FAT1: variants seen among roughly 807,000 people sequenced by gnomAD.
The protein encoded by FAT1 is FAT atypical cadherin 1.
A neutral mutation model predicts 329.8 loss-of-function variants in FAT1; 171 were observed. That is an observed-to-expected ratio of 0.52 (90% confidence interval 0.46 to 0.59). The LOEUF is 0.59. Among genes scored for constraint, FAT1 ranks in the 20% least tolerant of loss-of-function variants. The pLI is 0.00. For synonymous variants in FAT1, 2,233 were observed against 2,228.6 expected (o/e 1.00, Z -0.06); for missense variants, 5,672 against 5,774.4 (o/e 0.98, Z 0.57).
intron 2 of FAT1, among the ~76,000 whole-genome samples, chr4:186,697,360 C>T (rs1381341035): frequency 1.3e-5 from 2 of 152,194 alleles, no homozygotes; most frequent in African/African-American, 2.4e-5. Context: ...GGGCCGGCTG[C>T]GGGACCTCAG....
intron 14 of FAT1, among the ~76,000 whole-genome samples, chr4:186,610,261 C>T (rs576319870): frequency 2.4e-4 from 36 of 152,248 alleles, no homozygotes; most frequent in African/African-American, 7.7e-4. Flanking sequence ...TTCCAGTCAA[C>T]ACCACCTACA....
In FAT1 at chr4:186,709,613, T is replaced by C. The variant is rs1382265220; in HGVS notation, c.215A>G (p.Tyr72Cys). Residue 72 changes from tyrosine to cysteine, a missense_variant, in exon 2 of 27, where the codon TAC becomes TGC. By Grantham distance (194) the Tyr-to-Cys change is radical. This residue lies in a region of FAT1 where 3,966 missense variants were observed against 3,915.2 expected (regional missense o/e 1.01). Transcript: ENST00000441802. ...YITHPAWEVR[Y>C]KIVSGDSENL... Reference sequence around the variant, plus strand: ...TTCACTGTCTCCGGAAACAATTTTGTACCTTACTTCCCACGCTGGATGTGT... The same window carrying C: ...TTCACTGTCTCCGGAAACAATTTTGCACCTTACTTCCCACGCTGGATGTGT... 6.2e-7 allele frequency: 1 copy of C among 1,614,028 alleles called. No homozygotes were observed. The highest frequency in any genetic ancestry group is 2.2e-5 in the East Asian group (1 of 44,884).
intron 6 of FAT1, among the ~76,000 whole-genome samples, chr4:186,634,898 G>A (rs1444435880): frequency 6.6e-6 from 1 of 152,260 alleles, no homozygotes; most frequent in Non-Finnish European, 1.5e-5. Context: ...AGGTTACACA[G>A]CGAGGTCAGG....
At chr4:186,710,089 T>C (rs921921845) in intron 1 of FAT1, among the ~76,000 whole-genome samples, 4 of 152,218 alleles carry the variant, frequency 2.6e-5, no homozygotes, top group Non-Finnish European at 5.9e-5. Context: ...CTCTCTTTCA[T>C]ATTTAAACGA....
chr4:186,629,246 G>T (rs762701103), intron 7 of FAT1, among the ~76,000 whole-genome samples: 8 of 151,982 alleles, frequency 5.3e-5, no homozygotes, highest in Non-Finnish European at 1.0e-4. Context: ...CTGATCATAG[G>T]TTTTTTTAAT....
chr4:186,705,197 G>A (rs1744518604), intron 2 of FAT1, among the ~76,000 whole-genome samples: 1 of 149,640 alleles, frequency 6.7e-6, no homozygotes, highest in Non-Finnish European at 1.5e-5. Flanking sequence ...TCCCACCTGC[G>A]CCTCCCAAAG....
At chr4:186,704,671 G>T (rs1302175965) in intron 2 of FAT1, among the ~76,000 whole-genome samples, 4 of 152,000 alleles carry the variant, frequency 2.6e-5, no homozygotes, top group Non-Finnish European at 5.9e-5. Flanking sequence ...TTAAATTTGG[G>T]GTATTTTTCT....
intron 26 of FAT1, among the ~76,000 whole-genome samples, chr4:186,593,320 G>A (rs141341618): frequency 5.3e-4 from 81 of 152,324 alleles, no homozygotes; most frequent in Admixed American, 1.8e-3. Flanking sequence ...GACTCTGTCC[G>A]TCTGTTTCCT....
In FAT1 at chr4:186,614,399, C is replaced by A. The variant is rs1367381952; in HGVS notation, c.9076-55G>T. ...TAAAAGCATTAACAGGCAGCACAAA[C>A]ATCAAGGGAATAATGGAAAAGAAAT... On this transcript the variant is annotated intron_variant, in intron 11 of 26. Coordinates refer to ENST00000441802, the MANE Select transcript of FAT1 (RefSeq NM_005245.4). 6 of 1,160,596 alleles carry A rather than the reference C, an allele frequency of 5.2e-6. No individual in the cohort carries two copies. The East Asian group carries it at 1.7e-4, about 32-fold the overall frequency. The allele number at this position is 1,160,596 out of a possible 1,614,324, so 71.9% of individuals were successfully genotyped here.
Position 186,699,049 on chromosome 4 carries a change from G to A in FAT1, c.3265+7514C>T, listed in dbSNP as rs1180759425. Among the ~76,000 whole-genome samples the A allele has an allele frequency of 6.6e-5, 10 of 152,158 alleles. No homozygotes were observed. The South Asian group carries it at 1.9e-3, about 28-fold the overall frequency. ...CTCCATGAGCAGAGTATAACACCAC[G>A]TAATTTTACTCACTAATTGTGACAA... On this transcript the variant is annotated intron_variant, in intron 2 of 26. Coordinates refer to ENST00000441802, the MANE Select transcript of FAT1 (RefSeq NM_005245.4).
At chr4:186,633,434 G>GTTGGT (rs1001754191) in intron 7 of FAT1, among the ~76,000 whole-genome samples, 1 of 152,254 alleles carries the variant, frequency 6.6e-6, no homozygotes, top group East Asian at 1.9e-4. Context: ...ATGGTATAAC[G>GTTGGT]TTGGTTTGGT....
Position 186,645,966 on chromosome 4 carries a change from TATAC to T in FAT1, c.3581-6187_3581-6184del, listed in dbSNP as rs1275534525. On this transcript the variant is annotated intron_variant, in intron 3 of 26. Transcript: ENST00000441802. ...CTCACAAAAAAAAAAAAAAAAAATA[TATAC>T]ACACACACACACACACACACACACA... 8.7e-5 allele frequency among the ~76,000 whole-genome samples: 7 copies of T among 80,516 alleles called. No individual in the cohort carries two copies. In the East Asian group the frequency reaches 8.9e-4, roughly 10 times the overall value. The allele number at this position is 80,516 out of a possible 152,430, so 52.8% of individuals were successfully genotyped here. A position where few individuals can be genotyped will look rare whatever the true frequency, so the allele number is the denominator to read the frequency against.
At chr4:186,660,142 G>A (rs1388965256) in intron 3 of FAT1, among the ~76,000 whole-genome samples, 1 of 152,152 alleles carries the variant, frequency 6.6e-6, no homozygotes, top group African/African-American at 2.4e-5. Flanking sequence ...AGGGTCTCCA[G>A]GTGGCGAGAT....
intron 2 of FAT1, among the ~76,000 whole-genome samples, chr4:186,671,361 G>T (rs1742717082): frequency 6.6e-6 from 1 of 152,022 alleles, no homozygotes; most frequent in African/African-American, 2.4e-5. Context: ...GCTGTAAAAC[G>T]AGTTTAATAT....
rs374812339 is a variant in FAT1 at position 186,597,992 on chromosome 4, T to C, written c.12237A>G (p.Arg4079=). 347 of 1,612,748 alleles carry C rather than the reference T, an allele frequency of 2.2e-4. No individual in the cohort carries two copies. Among genetic ancestry groups the C allele is most frequent in the Non-Finnish European group, 2.8e-4 (332 of 1,179,608 alleles). ...CATACCTCTGACCAGTATATAATCC[T>C]CTACACTGGCAAACAAAGCCTCCGT... ...VDNGGFVCQC[R]GLYTGQRCQL... Residue 4079 remains arginine, a synonymous_variant, in exon 23 of 27, where the codon AGA becomes AGG. Transcript: ENST00000441802.
chr4:186,672,778 G>A (rs892955694), intron 2 of FAT1, among the ~76,000 whole-genome samples: 4 of 152,144 alleles, frequency 2.6e-5, no homozygotes, highest in African/African-American at 7.2e-5. Flanking sequence ...CCAGACAATC[G>A]TGCTAAATGT....
upstream of FAT1, among the ~76,000 whole-genome samples, chr4:186,726,084 G>A (rs1344422363): frequency 6.6e-6 from 1 of 152,226 alleles, no homozygotes; most frequent in Non-Finnish European, 1.5e-5. Context: ...GCTATAATAA[G>A]TTACATTCAA....
At chr4:186,705,563 T>C (rs575575020) in intron 2 of FAT1, among the ~76,000 whole-genome samples, 1 of 152,318 alleles carries the variant, frequency 6.6e-6, no homozygotes, top group South Asian at 2.1e-4. Flanking sequence ...GCTCATTTAC[T>C]CCTGCAGTCT....
chr4:186,634,319 T>C (rs1212098821), intron 6 of FAT1, among the ~76,000 whole-genome samples: 1 of 152,172 alleles, frequency 6.6e-6, no homozygotes, highest in Non-Finnish European at 1.5e-5. Context: ...TGAAAAGAAT[T>C]TTTTTTCTCA....
Sources: gnomAD v4.1 joint callset for allele counts (sites outside exome capture counted in the v4.1 genomes callset) on GRCh38, gnomAD v4.1.1 for gene constraint, gnomAD v4.1.1 regional missense constraint, MANE v1.5 for transcripts, NCBI Gene and HGNC (gene_info 2026-07-23, HGNC 2026-07-21) for gene names.